TASP1: variants seen among roughly 807,000 people sequenced by gnomAD.
The protein encoded by TASP1 is taspase 1.
In TASP1, 16 loss-of-function variants were observed where a neutral mutation model predicts 56.6. The observed-to-expected ratio is 0.28, with a 90% confidence interval of 0.19 to 0.43. TASP1 has a LOEUF of 0.43. Among genes scored for constraint, TASP1 ranks in the 20% least tolerant of loss-of-function variants. The pLI is 1.00. For missense variants in TASP1, 393 were observed against 511.6 expected (o/e 0.77, Z 2.24); for synonymous variants, 179 against 184.2 (o/e 0.97, Z 0.23).
At chr20:13,236,114 G>A in the TASP1 span, among the ~76,000 whole-genome samples, 1 of 151,838 alleles carries the variant, frequency 6.6e-6, no homozygotes, top group Non-Finnish European at 1.5e-5. Context: ...TAGTAGAGAC[G>A]GGGTTTCACC....
chr20:13,631,700 C>T (rs2049091642), intron 1 of TASP1, among the ~76,000 whole-genome samples: 1 of 152,218 alleles, frequency 6.6e-6, no homozygotes, highest in Admixed American at 6.5e-5. Context: ...GACTATGAAA[C>T]CTCAAGCAAC....
the TASP1 span, chr20:13,117,575 C>T: frequency 1.2e-6 from 2 of 1,611,862 alleles, no homozygotes; most frequent in Non-Finnish European, 1.7e-6. Flanking sequence ...CTTACCTCTA[C>T]ATAGATGAAG....
chr20:13,505,942 C>T (rs185073082), intron 10 of TASP1, among the ~76,000 whole-genome samples: 64 of 151,672 alleles, frequency 4.2e-4, no homozygotes, highest in African/African-American at 1.5e-3. Context: ...GACTAGATAA[C>T]CAATAGAAAA....
At chr20:13,358,341 C>T in the TASP1 span, among the ~76,000 whole-genome samples, 2 of 152,220 alleles carry the variant, frequency 1.3e-5, no homozygotes, top group Non-Finnish European at 1.5e-5. Context: ...AATTTGGTGC[C>T]GTGACTTGGA....
At chr20:13,345,807 C>T in the TASP1 span, among the ~76,000 whole-genome samples, 1 of 150,598 alleles carries the variant, frequency 6.6e-6, no homozygotes, top group Non-Finnish European at 1.5e-5. Flanking sequence ...TACAGGGGGG[C>T]AGCTGAGGAT....
chr20:13,408,958 ATTTCT>A (rs541630612), intron 13 of TASP1, among the ~76,000 whole-genome samples: 11 of 151,410 alleles, frequency 7.3e-5, no homozygotes, highest in Admixed American at 5.3e-4. Context: ...CCATTTTAAA[ATTTCT>A]TTTCTATGTT....
chr20:13,120,299 G>T, the TASP1 span, among the ~76,000 whole-genome samples: 2 of 152,248 alleles, frequency 1.3e-5, no homozygotes, highest in East Asian at 1.9e-4. Flanking sequence ...CAAATTCGGG[G>T]ATTATTGCAA....
At chr20:13,269,319 T>A in the TASP1 span, among the ~76,000 whole-genome samples, 1 of 152,072 alleles carries the variant, frequency 6.6e-6, no homozygotes, top group South Asian at 2.1e-4. Context: ...GGAAAAGGAG[T>A]CCAGCAACTT....
At chr20:13,512,114 TATAC>T (rs1198532668) in intron 10 of TASP1, among the ~76,000 whole-genome samples, 1 of 152,168 alleles carries the variant, frequency 6.6e-6, no homozygotes, top group Admixed American at 6.5e-5. Context: ...CCTTTGGGTA[TATAC>T]CCAGTAATGG....
chr20:13,462,460 T>C (rs2044089986), intron 11 of TASP1, among the ~76,000 whole-genome samples: 1 of 152,164 alleles, frequency 6.6e-6, no homozygotes, highest in Non-Finnish European at 1.5e-5. Context: ...ATTTTGATAG[T>C]AGTTTGAAGG....
At chr20:13,498,548 A>G (rs1422457750) in intron 10 of TASP1, among the ~76,000 whole-genome samples, 8 of 151,964 alleles carry the variant, frequency 5.3e-5, no homozygotes, top group Non-Finnish European at 1.5e-5. Flanking sequence ...TAGTAGACAT[A>G]GGGTTTCACC....
chr20:13,395,725 G>A lies in TASP1; in HGVS notation c.1171-5273C>T, dbSNP rs186131118. On this transcript the variant is annotated intron_variant, in intron 13 of 13. Coordinates refer to ENST00000337743, the MANE Select transcript of TASP1 (RefSeq NM_017714.3). ...TTTTTTTTTTCTTTTTTCTTGAGACGCAGTCTCACTCTGTCACCCAGGCTG... is the reference window on the plus strand; with the variant it reads ...TTTTTTTTTTCTTTTTTCTTGAGACACAGTCTCACTCTGTCACCCAGGCTG... Among the ~76,000 whole-genome samples, 80 of 140,802 alleles carry A rather than the reference G, an allele frequency of 5.7e-4. No homozygotes were observed. The Middle Eastern group carries it at 0.012, about 21-fold the overall frequency. The allele number at this position is 140,802 out of a possible 152,430, so 92.4% of individuals were successfully genotyped here.
In TASP1 at chr20:13,480,552, T is replaced by A. The variant is rs550362188; in HGVS notation, c.985+2675A>T. Among the ~76,000 whole-genome samples the A allele has an allele frequency of 6.5e-4, 99 of 152,272 alleles. 1 individual carries two copies. In the South Asian group the frequency reaches 0.02, roughly 31 times the overall value. On this transcript the variant is annotated intron_variant, in intron 11 of 13. Transcript: ENST00000337743. ...AAGATGGGGCTCAATATGTATTAGG[T>A]AATGGATCCCAGTGGCAAGATGAAA...
chr20:13,501,544 C>T (rs1568516585), intron 10 of TASP1, among the ~76,000 whole-genome samples: 2 of 151,850 alleles, frequency 1.3e-5, no homozygotes, highest in Non-Finnish European at 2.9e-5. Flanking sequence ...TAATTCCCTA[C>T]AGCAACTACA....
At position 13,450,996 on chromosome 20, in the gene TASP1, T is replaced by C. The variant is rs559274760; in HGVS notation, c.986-15842A>G. Among the ~76,000 whole-genome samples the C allele has an allele frequency of 1.5e-4, 23 of 152,236 alleles. No homozygotes were observed. In the South Asian group the frequency reaches 4.3e-3, roughly 29 times the overall value. On this transcript the variant is annotated intron_variant, in intron 11 of 13. Coordinates refer to ENST00000337743, the MANE Select transcript of TASP1 (RefSeq NM_017714.3). ...ATAAAGAGTTTCAGTATGGATATTATGTTAGCAGGCATGAAAACATTAATC... is the reference window on the plus strand; with the variant it reads ...ATAAAGAGTTTCAGTATGGATATTACGTTAGCAGGCATGAAAACATTAATC...
At chr20:13,498,582 C>T (rs1346411197) in intron 10 of TASP1, among the ~76,000 whole-genome samples, 2 of 151,936 alleles carry the variant, frequency 1.3e-5, no homozygotes, top group Non-Finnish European at 2.9e-5. Context: ...TGGTCTTGAA[C>T]TCCTGACCGC....
chr20:13,203,271 A>G, the TASP1 span, among the ~76,000 whole-genome samples: 11,300 of 152,244 alleles, frequency 0.074, 719 homozygotes, highest in East Asian at 0.19. Context: ...TATTATTCCC[A>G]TGTTATGAGG....
intron 4 of TASP1, among the ~76,000 whole-genome samples, chr20:13,590,327 T>C (rs765340431): frequency 6.6e-6 from 1 of 152,188 alleles, no homozygotes; most frequent in Admixed American, 6.5e-5. Flanking sequence ...CCCACAAGGA[T>C]GGCTATAATC....
the TASP1 span, among the ~76,000 whole-genome samples, chr20:13,199,217 T>G: frequency 6.6e-6 from 1 of 152,112 alleles, no homozygotes; most frequent in Non-Finnish European, 1.5e-5. Context: ...TGTTTTCCTT[T>G]TTTTTGTTTT....
Sources: allele counts gnomAD v4.1 joint callset (sites outside exome capture counted in the v4.1 genomes callset), GRCh38; gene constraint gnomAD v4.1.1; transcripts MANE v1.5; gene names NCBI Gene and HGNC (gene_info 2026-07-23, HGNC 2026-07-21).